The following SS18 variants were observed in gnomAD, a reference collection of about 807,000 sequenced individuals.
SS18 encodes SS18 subunit of BAF chromatin remodeling complex, also known as protein SSXT.
A neutral mutation model predicts 72.5 loss-of-function variants in SS18; 28 were observed. The observed-to-expected ratio is 0.39, with a 90% CI of 0.29 to 0.53. The LOEUF is 0.53. SS18 is among the 20% of genes least tolerant of loss of function. The probability of loss-of-function intolerance (pLI) is 0.76; values close to 1 mark genes in which losing one functional copy is unlikely to be tolerated. For missense variants in SS18, 518 were observed against 535.3 expected, an observed-to-expected ratio of 0.97 and a Z score of 0.32; for synonymous variants, 172 against 164.2, an observed-to-expected ratio of 1.05 and a Z score of -0.37.
At chr18:26,087,662 T>G (rs1209189293) in intron 1 of SS18, 85 bp from the exon 2 acceptor site, 1 of 746,662 alleles carries the variant, frequency 1.3e-6, no homozygotes, top group African/African-American at 1.8e-5. Context: ...GGGAGGGCAT[T>G]AGTAAATACT....
Position 26,052,853 on chromosome 18 carries a change from G to A in SS18, c.386-8C>T. ...TAGGCATATGGTTAGGCCCTTTGAA[G>A]AAAAATGATCAGAAGCAAAATATGA... On this transcript the variant is annotated splice_region_variant and splice_polypyrimidine_tract_variant and intron_variant, in intron 4 of 10. Transcript: ENST00000415083. 1 of 1,606,818 alleles carries A rather than the reference G, an allele frequency of 6.2e-7. No homozygotes were observed. The highest frequency in any genetic ancestry group is 8.5e-7 in the Non-Finnish European group (1 of 1,174,648).
intron 7 of SS18, among the ~76,000 whole-genome samples, chr18:26,037,374 T>C (rs2053643946): frequency 6.6e-6 from 1 of 152,060 alleles, no homozygotes; most frequent in Admixed American, 6.5e-5. Context: ...ATCATTTATT[T>C]TCAGCAGACT....
chr18:26,068,081 C>T (rs1315894843), intron 3 of SS18, among the ~76,000 whole-genome samples: 1 of 152,186 alleles, frequency 6.6e-6, no homozygotes, highest in Non-Finnish European at 1.5e-5. Context: ...CTGCTGCTAA[C>T]CTCCTGCTTT....
intron 1 of SS18, among the ~76,000 whole-genome samples, 192 bp from the exon 2 acceptor site, chr18:26,087,769 A>C (rs2054642345): frequency 2.6e-5 from 4 of 151,890 alleles, no homozygotes; most frequent in Admixed American, 2.6e-4. Flanking sequence ...ATGGAAACAC[A>C]AAAAAAACAA....
intron 3 of SS18, among the ~76,000 whole-genome samples, chr18:26,067,175 CCA>C (rs2054235006): frequency 1.3e-5 from 2 of 152,190 alleles, no homozygotes; most frequent in African/African-American, 2.4e-5. Context: ...GACATTTCAC[CCA>C]CAGTCTTGCT....
chr18:26,083,640 T>C (rs1274284346), intron 2 of SS18, among the ~76,000 whole-genome samples: 2 of 152,158 alleles, frequency 1.3e-5, no homozygotes, highest in African/African-American at 2.4e-5. Context: ...ATTATCCAAA[T>C]AGAAAAGGTG....
At chr18:26,072,929 G>C (rs527446849) in intron 3 of SS18, among the ~76,000 whole-genome samples, 3 of 145,842 alleles carry the variant, frequency 2.1e-5, no homozygotes, top group African/African-American at 7.7e-5. Context: ...ACATTGGAAA[G>C]ACTAAAAAAA....
chr18:26,023,496 G>T (rs2053389410), intron 10 of SS18: 2 of 403,566 alleles, frequency 5.0e-6, no homozygotes, highest in South Asian at 4.8e-5. Context: ...TAAAAACAGA[G>T]AAAAAAGACA....
At chr18:26,083,249 G>A (rs2054559811) in intron 2 of SS18, among the ~76,000 whole-genome samples, 1 of 150,200 alleles carries the variant, frequency 6.7e-6, no homozygotes, top group South Asian at 2.1e-4. Flanking sequence ...AGAGAATGAG[G>A]GAAATGATCA....
At chr18:26,036,102 G>A (rs962188352) in intron 7 of SS18, among the ~76,000 whole-genome samples, 179 bp from the exon 8 acceptor site, 7 of 151,996 alleles carry the variant, frequency 4.6e-5, no homozygotes, top group Middle Eastern at 3.4e-3. Context: ...TTGAGATAAC[G>A]TGCAAATTTT....
intron 3 of SS18, among the ~76,000 whole-genome samples, chr18:26,066,568 T>C (rs2054221455): frequency 6.6e-6 from 1 of 151,316 alleles, no homozygotes; most frequent in Admixed American, 6.6e-5. Context: ...CAAGTTACTT[T>C]CGCTGATTTT....
At chr18:26,050,596 C>T (rs76716293) in intron 5 of SS18, among the ~76,000 whole-genome samples, 1 of 152,122 alleles carries the variant, frequency 6.6e-6, no homozygotes, top group Admixed American at 6.5e-5. Flanking sequence ...CTAGGTGCTG[C>T]CAGAACACTG....
At chr18:26,075,213 C>T (rs1598604441) in intron 3 of SS18, among the ~76,000 whole-genome samples, 1 of 151,960 alleles carries the variant, frequency 6.6e-6, no homozygotes, top group Non-Finnish European at 1.5e-5. Flanking sequence ...AATTCTCCAG[C>T]TCCTTTTATA....
At chr18:26,024,659 T>C (rs1219133766) in intron 10 of SS18, among the ~76,000 whole-genome samples, 1 of 152,212 alleles carries the variant, frequency 6.6e-6, no homozygotes, top group Non-Finnish European at 1.5e-5. Context: ...TGGTATACTT[T>C]AGAATGGTGA....
intron 5 of SS18, among the ~76,000 whole-genome samples, chr18:26,045,249 C>T (rs2143928708): frequency 1.3e-5 from 2 of 152,318 alleles, no homozygotes; most frequent in Non-Finnish European, 2.9e-5. Context: ...GTGCTCAAAA[C>T]TTTCCAGCAG....
intron 10 of SS18, among the ~76,000 whole-genome samples, chr18:26,029,948 AAGG>A (rs2053516203): frequency 6.6e-6 from 1 of 152,162 alleles, no homozygotes; most frequent in African/African-American, 2.4e-5. Flanking sequence ...TCTAGTGGGG[AAGG>A]AGAAGTGGTT....
intron 10 of SS18, among the ~76,000 whole-genome samples, chr18:26,031,980 G>A (rs951550905): frequency 6.6e-6 from 1 of 152,104 alleles, no homozygotes; most frequent in African/African-American, 2.4e-5. Context: ...CAGAGGTTGG[G>A]AAGAAAAGGG....
Position 26,060,771 on chromosome 18 carries a change from C to CAAAAAAA in SS18, c.232-3036_232-3030dup, listed in dbSNP as rs60999827. On this transcript the variant is annotated intron_variant, in intron 3 of 10. Transcript: ENST00000415083. ...GAAACTCTGTCTCTACTAAAAATAC[C>CAAAAAAA]AAAAAAAAAAAAAAAAAAAAAAAAA... Among the ~76,000 whole-genome samples the CAAAAAAA allele has an allele frequency of 4.6e-3, 183 of 39,604 alleles. 48 individuals carry two copies. The highest frequency in any genetic ancestry group is 5.5e-3 in the Non-Finnish European group (96 of 17,608). 26.0% of individuals were successfully genotyped at this position (39,604 alleles called of 152,430 possible). A position where few individuals can be genotyped will look rare whatever the true frequency, so the allele number is the denominator to read the frequency against.
rs2053944419 is a variant in SS18, at chr18:26,052,760, A to G, written c.471T>C (p.His157=). The part of the protein sequence containing the change: ...NSSMNMPSSS[H]GSMGGYNHSV... ...AATGGTTGTAACCTCCCATGGATCC[A>G]TGGCTACTTGAAGGCATATTCATGG... Residue 157 remains histidine (H), a synonymous_variant, in exon 5 of 11, where the codon CAT becomes CAC. Coordinates refer to ENST00000415083, the MANE Select transcript of SS18 (RefSeq NM_001007559.3). 1 of 1,614,012 alleles carries G rather than the reference A, an allele frequency of 6.2e-7. No individual in the cohort carries two copies. The highest frequency in any genetic ancestry group is 1.3e-5 in the African/African-American group (1 of 74,920).
Sources: allele counts gnomAD v4.1 joint callset (sites outside exome capture counted in the v4.1 genomes callset), GRCh38; gene constraint gnomAD v4.1.1; transcripts MANE v1.5; gene names NCBI Gene and HGNC (gene_info 2026-07-23, HGNC 2026-07-21).